The following SLC68A1 variants were observed in gnomAD, a reference collection of about 807,000 sequenced individuals.
SLC68A1 encodes the protein solute carrier family 68 member 1.
the SLC68A1 span, chr10:102,476,710 C>A: frequency 1.0e-6 from 1 of 986,182 alleles, no homozygotes; most frequent in Non-Finnish European, 1.2e-6. Flanking sequence ...CAGAAGAGGA[C>A]CAAGAAGGGA....
chr10:102,469,320 G>T, the SLC68A1 span: 2 of 938,264 alleles, frequency 2.1e-6, no homozygotes, highest in Non-Finnish European at 3.3e-6. Context: ...GGCAGTCCAG[G>T]TTGTTCACCA....
chr10:102,467,133 G>T, the SLC68A1 span, among the ~76,000 whole-genome samples: 1 of 152,242 alleles, frequency 6.6e-6, no homozygotes, highest in African/African-American at 2.4e-5. Context: ...CACCTCTGGG[G>T]TTCAAGCGAT....
At chr10:102,476,108 A>G in the SLC68A1 span, 1 of 1,356,360 alleles carries the variant, frequency 7.4e-7, no homozygotes, top group Admixed American at 3.6e-5. Flanking sequence ...CTGTTGCCCA[A>G]AAAAATGGAT....
chr10:102,470,394 C>T, the SLC68A1 span, among the ~76,000 whole-genome samples: 2 of 152,158 alleles, frequency 1.3e-5, no homozygotes, highest in African/African-American at 2.4e-5. Context: ...CCGTCATCAC[C>T]CCCAACCTTG....
At chr10:102,474,432 A>G in the SLC68A1 span, among the ~76,000 whole-genome samples, 3 of 152,156 alleles carry the variant, frequency 2.0e-5, no homozygotes, top group African/African-American at 7.2e-5. Context: ...TAGTATTATC[A>G]GGGAAGGCCT....
the SLC68A1 span, chr10:102,471,422 C>T: frequency 1.2e-6 from 2 of 1,601,750 alleles, no homozygotes. Context: ...CCCGGCCCCT[C>T]TACAGCTGGG....
the SLC68A1 span, among the ~76,000 whole-genome samples, chr10:102,468,105 C>T: frequency 9.9e-5 from 15 of 152,278 alleles, no homozygotes; most frequent in Non-Finnish European, 1.8e-4. Context: ...CCACGCCCTC[C>T]TCTACCCAGC....
the SLC68A1 span, chr10:102,475,882 C>T: frequency 1.9e-6 from 3 of 1,613,866 alleles, no homozygotes; most frequent in East Asian, 2.2e-5. Flanking sequence ...TGCAGCTCTT[C>T]ACCTGGTCCC....
the SLC68A1 span, chr10:102,469,860 A>C: frequency 1.4e-6 from 2 of 1,428,958 alleles, no homozygotes; most frequent in East Asian, 2.6e-5. Context: ...TAGCAGAGGA[A>C]CTGACACCAG....
At chr10:102,473,775 C>T in the SLC68A1 span, 1 of 1,607,094 alleles carries the variant, frequency 6.2e-7, no homozygotes. Context: ...GCAACACCTC[C>T]ATCCCATGCC....
the SLC68A1 span, among the ~76,000 whole-genome samples, chr10:102,464,875 T>C: frequency 6.6e-6 from 1 of 151,678 alleles, no homozygotes; most frequent in East Asian, 1.9e-4. Context: ...TCCCAACACT[T>C]TGGGAGGCCG....
the SLC68A1 span, chr10:102,473,418 G>C: frequency 1.2e-6 from 1 of 806,108 alleles, no homozygotes; most frequent in South Asian, 1.7e-5. Context: ...TCACCTTAAG[G>C]GGCTGTGAAG....
the SLC68A1 span, among the ~76,000 whole-genome samples, chr10:102,473,339 C>A: frequency 2.0e-5 from 3 of 152,184 alleles, no homozygotes; most frequent in East Asian, 3.9e-4. Flanking sequence ...TGGTGGGCAG[C>A]CTCAGGTGGG....
the SLC68A1 span, chr10:102,476,499 T>C: frequency 1.0e-6 from 1 of 985,818 alleles, no homozygotes; most frequent in Non-Finnish European, 1.2e-6. Flanking sequence ...GCCACCGCAC[T>C]CGGCCAGGAG....
chr10:102,470,743 G>A, the SLC68A1 span: 6 of 1,613,770 alleles, frequency 3.7e-6, no homozygotes, highest in African/African-American at 2.7e-5. Context: ...CGCTGCTGGC[G>A]CTGTCGTTCC....
At chr10:102,474,899 T>TAATCCCA in the SLC68A1 span, among the ~76,000 whole-genome samples, 1 of 151,404 alleles carries the variant, frequency 6.6e-6, no homozygotes, top group Admixed American at 6.6e-5. Context: ...CCACCCACCT[T>TAATCCCA]GGCCTCCCAA....
the SLC68A1 span, chr10:102,470,852 G>T: frequency 6.2e-7 from 1 of 1,613,408 alleles, no homozygotes. Context: ...GCACCACCAT[G>T]CCTTGCTGGC....
At chr10:102,465,319 G>T in the SLC68A1 span, among the ~76,000 whole-genome samples, 9 of 152,072 alleles carry the variant, frequency 5.9e-5, no homozygotes, top group Non-Finnish European at 1.3e-4. Context: ...CAGCTACTGA[G>T]GAGACTGAGG....
the SLC68A1 span, chr10:102,472,860 C>A: frequency 1.9e-6 from 3 of 1,614,006 alleles, no homozygotes; most frequent in Non-Finnish European, 2.5e-6. Flanking sequence ...GCAGGTCTTC[C>A]ACTGCCACTT....
Sources: allele counts gnomAD v4.1 joint callset (sites outside exome capture counted in the v4.1 genomes callset), GRCh38; gene constraint gnomAD v4.1.1; transcripts MANE v1.5; gene names NCBI Gene and HGNC (gene_info 2026-07-23, HGNC 2026-07-21).